LRRC75A: variants seen among roughly 807,000 people sequenced by gnomAD.
LRRC75A encodes the protein leucine rich repeat containing 75A.
A neutral mutation model predicts 26.0 loss-of-function variants in LRRC75A; 12 were observed. The ratio of observed to expected loss-of-function variants is 0.46; its 90% CI spans 0.30 to 0.75. The LOEUF is 0.75. Ranked by LOEUF, LRRC75A falls within the 30% of genes least tolerant of loss-of-function variation. LRRC75A has a pLI of 0.08. For missense variants in LRRC75A, 410 were observed against 486.6 expected (o/e 0.84, Z 1.48); for synonymous variants, 223 against 219.3 (o/e 1.02, Z -0.15).
intron 1 of LRRC75A, among the ~76,000 whole-genome samples, chr17:16,484,228 C>T (rs2093841056): frequency 6.6e-6 from 1 of 152,066 alleles, no homozygotes; most frequent in Non-Finnish European, 1.5e-5. Flanking sequence ...CCCAGCTACT[C>T]AGGAGGCTGA....
chr17:16,475,752 T>A (rs925233470), intron 1 of LRRC75A, among the ~76,000 whole-genome samples: 7 of 151,806 alleles, frequency 4.6e-5, no homozygotes, highest in Non-Finnish European at 7.4e-5. Context: ...AAAAAAAAAA[T>A]TTTGTAGAAA....
Position 16,452,185 on chromosome 17 carries a change from C to CAA in LRRC75A, c.376-4227_376-4226dup, listed in dbSNP as rs71152808. 4.0e-3 allele frequency among the ~76,000 whole-genome samples: 322 copies of CAA among 79,924 alleles called. 3 individuals are homozygous for CAA. Among genetic ancestry groups the CAA allele is most frequent in the East Asian group, 0.021 (40 of 1,918 alleles). The allele number at this position is 79,924 out of a possible 152,430, so 52.4% of individuals were successfully genotyped here. On this transcript the variant is annotated intron_variant, in intron 2 of 3. Transcript: ENST00000470794. ...TGGGCAATATAGTGAGACTTGCTCT[C>CAA]AAAAAAAAAAAAAAAAAAAAAAAAA...
At chr17:16,449,672 A>C (rs998314792) in intron 2 of LRRC75A, among the ~76,000 whole-genome samples, 4 of 152,170 alleles carry the variant, frequency 2.6e-5, no homozygotes, top group Non-Finnish European at 5.9e-5. Context: ...GCTGGAGTGC[A>C]ATGGCACGAT....
chr17:16,459,851 G>T (rs940763920), intron 2 of LRRC75A, among the ~76,000 whole-genome samples: 4 of 152,200 alleles, frequency 2.6e-5, no homozygotes, highest in African/African-American at 9.7e-5. Context: ...TGCCACATGG[G>T]CACGAAAGGG....
At position 16,481,362 on chromosome 17, in the gene LRRC75A, G is replaced by A. The variant is rs562063526; in HGVS notation, c.246+10383C>T. On this transcript the variant is annotated intron_variant, in intron 1 of 3. Transcript: ENST00000470794. ...TCTCCTGCCCGCTCACAGGAAGTGTGATAGTCAACTGTAGGTGTTTATACA... is the reference window on the plus strand; with the variant it reads ...TCTCCTGCCCGCTCACAGGAAGTGTAATAGTCAACTGTAGGTGTTTATACA... Among the ~76,000 whole-genome samples, 35 of 152,326 alleles carry A rather than the reference G, an allele frequency of 2.3e-4. No homozygotes were observed. The South Asian group carries it at 7.0e-3, about 31-fold the overall frequency.
intron 1 of LRRC75A, among the ~76,000 whole-genome samples, chr17:16,478,191 C>CTT (rs768032038): frequency 2.9e-5 from 4 of 140,092 alleles, no homozygotes; most frequent in Non-Finnish European, 4.7e-5. Flanking sequence ...CTTTTTTTTT[C>CTT]TTTTTTTTTT....
intron 1 of LRRC75A, among the ~76,000 whole-genome samples, chr17:16,474,459 T>G (rs796562498): frequency 2.6e-4 from 39 of 152,306 alleles, no homozygotes; most frequent in African/African-American, 9.1e-4. Context: ...GCACCTCCCC[T>G]GCTTCCCCAG....
intron 1 of LRRC75A, among the ~76,000 whole-genome samples, chr17:16,472,510 C>T (rs1021092348): frequency 6.6e-6 from 1 of 152,186 alleles, no homozygotes; most frequent in African/African-American, 2.4e-5. Context: ...CATTGCTCCT[C>T]AGTGCAGCAA....
At chr17:16,485,649 TG>T (rs2093844788) in intron 1 of LRRC75A, among the ~76,000 whole-genome samples, 1 of 129,836 alleles carries the variant, frequency 7.7e-6, no homozygotes, top group Non-Finnish European at 1.7e-5. Context: ...TGTGTGTGTG[TG>T]TGTGTGTGTG....
Position 16,474,379 on chromosome 17 carries a change from G to T in LRRC75A, c.247-11993C>A, listed in dbSNP as rs543538759. 2.6e-5 allele frequency among the ~76,000 whole-genome samples: 4 copies of T among 152,344 alleles called. No homozygotes were observed. The South Asian group carries it at 8.3e-4, about 32-fold the overall frequency. ...AACCATTTTCCTTTTCCTGCTGGACGTTTCAGCTACTGTTTTATGACTCCG... is the reference window on the plus strand; with the variant it reads ...AACCATTTTCCTTTTCCTGCTGGACTTTTCAGCTACTGTTTTATGACTCCG... On this transcript the variant is annotated intron_variant, in intron 1 of 3. Transcript: ENST00000470794.
At chr17:16,458,088 T>C (rs1288951146) in intron 2 of LRRC75A, among the ~76,000 whole-genome samples, 7 of 152,160 alleles carry the variant, frequency 4.6e-5, no homozygotes, top group Admixed American at 4.6e-4. Flanking sequence ...GTGGATCACC[T>C]GAGGTCAGGA....
At chr17:16,448,356 CACT>C (rs2093603920) in intron 2 of LRRC75A, 1 of 246,262 alleles carries the variant, frequency 4.1e-6, no homozygotes. Context: ...CGGAGCCAGG[CACT>C]TGTTCTAGGA....
intron 2 of LRRC75A, among the ~76,000 whole-genome samples, chr17:16,460,342 C>T (rs2093718080): frequency 6.6e-6 from 1 of 152,220 alleles, no homozygotes; most frequent in Non-Finnish European, 1.5e-5. Flanking sequence ...CCCGCCTCTA[C>T]CCAGATGGAA....
At chr17:16,481,198 G>A (rs2093833198) in intron 1 of LRRC75A, among the ~76,000 whole-genome samples, 1 of 152,190 alleles carries the variant, frequency 6.6e-6, no homozygotes, top group South Asian at 2.1e-4. Context: ...ATTGCCAGGA[G>A]AGAGCCGGTA....
Position 16,443,628 on chromosome 17 carries a change from TG to T in LRRC75A, c.994del (p.His332ThrfsTer8), listed in dbSNP as rs1367352213. ...GGGPVAPAED[H>X]HEGKETVAAA... is the part of the protein sequence containing the mutation. Reference sequence around the variant, plus strand: ...AGCTACAGTCTCCTTGCCCTCATGGTGGTCTTCGGCAGGTGCCACAGGGCCC... The same window carrying T: ...AGCTACAGTCTCCTTGCCCTCATGGTGTCTTCGGCAGGTGCCACAGGGCCC... On this transcript the variant is annotated frameshift_variant, in exon 4 of 4. Transcript: ENST00000470794. LOFTEE classifies it high-confidence loss of function. 1.9e-6 allele frequency: 3 copies of T among 1,547,116 alleles called. No homozygotes were observed. Among genetic ancestry groups the T allele is most frequent in the African/African-American group, 2.7e-5 (2 of 73,084 alleles).
chr17:16,480,498 A>G (rs902128965), intron 1 of LRRC75A, among the ~76,000 whole-genome samples: 44 of 152,070 alleles, frequency 2.9e-4, no homozygotes, highest in African/African-American at 1.1e-3. Flanking sequence ...GCATGGTGGC[A>G]TGCGCCTGTA....
intron 3 of LRRC75A, among the ~76,000 whole-genome samples, chr17:16,446,618 C>T (rs2093588315): frequency 6.6e-6 from 1 of 151,990 alleles, no homozygotes; most frequent in Non-Finnish European, 1.5e-5. Flanking sequence ...CATTCAGGTG[C>T]CATGAGATTC....
chr17:16,491,909 C>A lies in LRRC75A; in HGVS notation c.82G>T (p.Asp28Tyr). The change falls in exon 1 of 4, where the codon GAC becomes TAC. Residue 28 changes from aspartate (D) to tyrosine (Y), a missense_variant. Physicochemically the swap from Asp to Tyr is radical, Grantham distance 160 (BLOSUM62 -3). Transcript: ENST00000470794. The surrounding 1 kb of genome is among the most constrained non-coding windows in gnomAD (Gnocchi z 5.9). ...CGCAGCAGCAGCGACGCCCAGAAGT[C>A]CGGCCGTTCGCGTCGGGGGCCCGGC... is the stretch of plus-strand genomic sequence containing the variant. ...AAPGPRRERP[D>Y]FWASLLLRAG... 7.8e-7 allele frequency: 1 copy of A among 1,278,536 alleles called. No individual in the cohort carries two copies. The highest frequency in any genetic ancestry group is 9.8e-7 in the Non-Finnish European group (1 of 1,015,410). 79.2% of individuals were successfully genotyped at this position (1,278,536 alleles called of 1,614,324 possible). A position where few individuals can be genotyped will look rare whatever the true frequency, so the allele number is the denominator to read the frequency against.
intron 1 of LRRC75A, among the ~76,000 whole-genome samples, chr17:16,467,217 G>A (rs970453146): frequency 2.6e-5 from 4 of 152,158 alleles, no homozygotes; most frequent in Non-Finnish European, 5.9e-5. Context: ...GCAGCGGTGC[G>A]ATCATAGCTC....
Sources: allele counts gnomAD v4.1 joint callset (sites outside exome capture counted in the v4.1 genomes callset), GRCh38; gene constraint gnomAD v4.1.1; non-coding constraint Gnocchi (gnomAD v3.1); transcripts MANE v1.5; gene names NCBI Gene and HGNC (gene_info 2026-07-23, HGNC 2026-07-21).